NDUFS6: variants seen among roughly 807,000 people sequenced by gnomAD.
NDUFS6 encodes the protein NADH dehydrogenase [ubiquinone] iron-sulfur protein 6, mitochondrial.
In NDUFS6, 14 loss-of-function variants were observed where a neutral mutation model predicts 13.2. That is an observed-to-expected ratio of 1.06 (90% CI 0.70 to 1.66). NDUFS6 has a LOEUF of 1.66. NDUFS6 is among the 40% of genes most tolerant of loss of function. NDUFS6 has a pLI of 0.00. For missense variants in NDUFS6, 206 were observed against 170.8 expected, an observed-to-expected ratio of 1.21 and a Z score of -1.15; for synonymous variants, 95 against 72.3, an observed-to-expected ratio of 1.31 and a Z score of -1.60.
intron 2 of NDUFS6, among the ~76,000 whole-genome samples, chr5:1,811,951 A>T (rs949719837): frequency 6.6e-6 from 1 of 152,214 alleles, no homozygotes; most frequent in African/African-American, 2.4e-5. Flanking sequence ...CTTGGTGCTG[A>T]GGTAAAGTTT....
At chr5:1,813,424 C>T (rs1734250837) in intron 2 of NDUFS6, among the ~76,000 whole-genome samples, 6 of 152,194 alleles carry the variant, frequency 3.9e-5, no homozygotes, top group Admixed American at 3.9e-4. Context: ...TTCCTTTCCA[C>T]CTCACAGTAG....
At position 1,801,409 on chromosome 5, in the gene NDUFS6, C is replaced by A; in HGVS notation, c.-9C>A. On this transcript the variant is annotated 5_prime_UTR_variant, in exon 1 of 4. Transcript: ENST00000274137. Reference sequence around the variant, plus strand: ...GACGTTGCGCCGGGTCAAAGGCCAGCGGCGCAAAATGGCGGCGGCGATGAC... The same window carrying A: ...GACGTTGCGCCGGGTCAAAGGCCAGAGGCGCAAAATGGCGGCGGCGATGAC... 6.2e-7 allele frequency: 1 copy of A among 1,605,166 alleles called. No homozygotes were observed. The highest frequency in any genetic ancestry group is 1.7e-5 in the Admixed American group (1 of 59,868).
rs554252447 is a variant in NDUFS6, at chr5:1,807,793, C to T, written c.186+5419C>T. ...CCATGTTGGCTCTCGTGCGTGCACA[C>T]ACACACTGTTGGTCACAGGAGGGAT... On this transcript the variant is annotated intron_variant, in intron 2 of 3. Transcript: ENST00000274137. 8.9e-4 allele frequency among the ~76,000 whole-genome samples: 135 copies of T among 152,360 alleles called. 1 individual carries two copies. The highest frequency in any genetic ancestry group is 2.7e-3 in the African/African-American group (112 of 41,580).
intron 2 of NDUFS6, among the ~76,000 whole-genome samples, chr5:1,812,072 G>A (rs1464476317): frequency 6.6e-6 from 1 of 152,194 alleles, no homozygotes; most frequent in Non-Finnish European, 1.5e-5. Flanking sequence ...GAGTACCTGA[G>A]ACTGGATAAT....
chr5:1,807,110 A>ATGAGGTATTCAGAGGTACTGCG (rs1734136343), intron 2 of NDUFS6, among the ~76,000 whole-genome samples: 1 of 62,124 alleles, frequency 1.6e-5, no homozygotes, highest in Non-Finnish European at 3.9e-5. Flanking sequence ...GAAGTACTGT[A>ATGAGGTATTCAGAGGTACTGCG]TGAGGTACTC....
chr5:1,801,860 T>C (rs1734049753), intron 1 of NDUFS6, among the ~76,000 whole-genome samples: 1 of 152,258 alleles, frequency 6.6e-6, no homozygotes, highest in Non-Finnish European at 1.5e-5. Context: ...GTCAGAACGT[T>C]TAGAATTTGT....
intron 2 of NDUFS6, among the ~76,000 whole-genome samples, chr5:1,805,614 A>G (rs1479031731): frequency 1.3e-5 from 2 of 152,240 alleles, no homozygotes; most frequent in Non-Finnish European, 2.9e-5. Context: ...CTCTGGGGCC[A>G]CATAAGTCAG....
At position 1,815,773 on chromosome 5, in the gene NDUFS6, C is replaced by T. The variant is rs1410406613; in HGVS notation, c.310-78C>T. The stretch of plus-strand genomic sequence containing the variant: ...TGTTTCTGACAGTCTAAGTTTTATA[C>T]ATACATTTTCAATGCTTAATATCTA... On this transcript the variant is annotated intron_variant, in intron 3 of 3. Coordinates refer to ENST00000274137, the MANE Select transcript of NDUFS6 (RefSeq NM_004553.6). The T allele has an allele frequency of 2.1e-6, 3 of 1,403,896 alleles. No homozygotes were observed. The African/African-American group carries it at 4.3e-5, about 20-fold the overall frequency. The allele number at this position is 1,403,896 out of a possible 1,614,324, so 87.0% of individuals were successfully genotyped here. A position where few individuals can be genotyped will look rare whatever the true frequency, so the allele number is the denominator to read the frequency against.
chr5:1,802,296 A>G lies in NDUFS6; in HGVS notation c.133-25A>G, dbSNP rs553279833. ...TTCAGAATTAGGCCGTAAAAGTCAC[A>G]CATGGTCTTTTTGTTTTTTTCCAGG... is the stretch of plus-strand genomic sequence containing the variant. On this transcript the variant is annotated intron_variant, in intron 1 of 3. Transcript: ENST00000274137. The G allele has an allele frequency of 3.1e-6, 5 of 1,606,874 alleles. No individual in the cohort carries two copies. The East Asian group carries it at 8.9e-5, about 29-fold the overall frequency.
intron 2 of NDUFS6, among the ~76,000 whole-genome samples, chr5:1,808,297 G>A (rs1734159682): frequency 6.6e-6 from 1 of 152,174 alleles, no homozygotes; most frequent in Non-Finnish European, 1.5e-5. Flanking sequence ...GTGGCTTCCC[G>A]CTTCTGCATG....
rs1158272518 is a variant in NDUFS6 at position 1,814,667 on chromosome 5, T to C, written c.309+206T>C. ...GCCTGTCCGAAAACCCCCTTTCAACTGTGAAGTGGTGGGCGGCATGTTTCT... is the reference window on the plus strand; with the variant it reads ...GCCTGTCCGAAAACCCCCTTTCAACCGTGAAGTGGTGGGCGGCATGTTTCT... On this transcript the variant is annotated intron_variant, in intron 3 of 3. Coordinates refer to ENST00000274137, the MANE Select transcript of NDUFS6 (RefSeq NM_004553.6). This position sits in a 1 kb window ranked among gnomAD's most constrained non-coding sequence, Gnocchi z 4.9. 2 of 798,326 alleles carry C rather than the reference T, an allele frequency of 2.5e-6. No homozygotes were observed. The highest frequency in any genetic ancestry group is 4.2e-6 in the Non-Finnish European group (2 of 472,662). 49.5% of individuals were successfully genotyped at this position (798,326 alleles called of 1,614,324 possible). A position where few individuals can be genotyped will look rare whatever the true frequency, so the allele number is the denominator to read the frequency against.
Position 1,814,764 on chromosome 5 carries a change from C to T in NDUFS6, c.309+303C>T. The T allele has an allele frequency of 2.9e-6, 2 of 690,182 alleles. No homozygotes were observed. Among genetic ancestry groups the T allele is most frequent in the Non-Finnish European group, 5.3e-6 (2 of 379,106 alleles). 42.8% of individuals were successfully genotyped at this position (690,182 alleles called of 1,614,324 possible). A position where few individuals can be genotyped will look rare whatever the true frequency, so the allele number is the denominator to read the frequency against. Reference sequence around the variant, plus strand: ...TGGTCATCATCTCAGCTCAGGCTGCCACACACAGCACCGCAGGCTGGGGTC... The same window carrying T: ...TGGTCATCATCTCAGCTCAGGCTGCTACACACAGCACCGCAGGCTGGGGTC... On this transcript the variant is annotated intron_variant, in intron 3 of 3. Transcript: ENST00000274137. The surrounding 1 kb of genome is among the most constrained non-coding windows in gnomAD (Gnocchi z 4.9).
In NDUFS6 at chr5:1,810,631, A is replaced by C. The variant is rs1734203493; in HGVS notation, c.187-3708A>C. ...TTCTGTGAAACAGAGGGAATAGTCT[A>C]ATGATTCCCTTTTCCCATGTATCCA... On this transcript the variant is annotated intron_variant, in intron 2 of 3. Coordinates refer to ENST00000274137, the MANE Select transcript of NDUFS6 (RefSeq NM_004553.6). Among the ~76,000 whole-genome samples the C allele has an allele frequency of 3.3e-5, 5 of 152,240 alleles. No individual in the cohort carries two copies. The South Asian group carries it at 1.0e-3, about 31-fold the overall frequency.
Position 1,801,464 on chromosome 5 carries a change from A to G in NDUFS6, c.47A>G (p.Glu16Gly), listed in dbSNP as rs759094275. 1 of 1,604,168 alleles carries G rather than the reference A, an allele frequency of 6.2e-7. No individual in the cohort carries two copies. The highest frequency in any genetic ancestry group is 1.1e-5 in the South Asian group (1 of 90,850). Residue 16 changes from glutamate to glycine, a missense_variant, in exon 1 of 4, where the codon GAG (glutamate) becomes GGG (glycine). Glu to Gly is a moderately conservative substitution (Grantham distance 98). Coordinates refer to ENST00000274137, the MANE Select transcript of NDUFS6 (RefSeq NM_004553.6). ...TFCRLLNRCG[E>G]AARSLPLGAR... The stretch of plus-strand genomic sequence containing the variant: ...TGCCGGCTGCTGAACCGGTGTGGCG[A>G]GGCGGCGCGGAGCCTGCCCCTGGGC...
chr5:1,808,329 C>T (rs1233953948), intron 2 of NDUFS6, among the ~76,000 whole-genome samples: 1 of 152,176 alleles, frequency 6.6e-6, no homozygotes, highest in Non-Finnish European at 1.5e-5. Context: ...GAGCTTCCCT[C>T]CCAAATACGC....
chr5:1,814,578 T>TA lies in NDUFS6; in HGVS notation c.309+118dup, dbSNP rs1251529769. On this transcript the variant is annotated intron_variant, in intron 3 of 3. Coordinates refer to ENST00000274137, the MANE Select transcript of NDUFS6 (RefSeq NM_004553.6). This position sits in a 1 kb window ranked among gnomAD's most constrained non-coding sequence, Gnocchi z 4.9. ...CTCTACCTGCTCCCGAGGCGGCCCT[T>TA]ACGGGGTTCACACTGCTGGCACATT... is the stretch of plus-strand genomic sequence containing the variant. The TA allele has an allele frequency of 1.3e-6, 2 of 1,494,322 alleles. No homozygotes were observed. The highest frequency in any genetic ancestry group is 2.4e-5 in the South Asian group (2 of 84,988). 92.6% of individuals were successfully genotyped at this position (1,494,322 alleles called of 1,614,324 possible).
chr5:1,804,806 A>G lies in NDUFS6; in HGVS notation c.186+2432A>G, dbSNP rs547310639. 3.3e-5 allele frequency among the ~76,000 whole-genome samples: 5 copies of G among 152,282 alleles called. No homozygotes were observed. In the South Asian group the frequency reaches 1.0e-3, roughly 32 times the overall value. On this transcript the variant is annotated intron_variant, in intron 2 of 3. Transcript: ENST00000274137. ...TAGTGTGCTGCCTGTGTCACAGTTGATGAGCTGATACTCATACATTATTAC... is the reference window on the plus strand; with the variant it reads ...TAGTGTGCTGCCTGTGTCACAGTTGGTGAGCTGATACTCATACATTATTAC...
At chr5:1,809,410 C>G (rs891945581) in intron 2 of NDUFS6, among the ~76,000 whole-genome samples, 1 of 152,136 alleles carries the variant, frequency 6.6e-6, no homozygotes, top group Non-Finnish European at 1.5e-5. Flanking sequence ...TGGGTGTGTT[C>G]ACTGCCGGAG....
intron 3 of NDUFS6, among the ~76,000 whole-genome samples, chr5:1,815,027 GC>G (rs1222723742): frequency 6.6e-6 from 1 of 152,270 alleles, no homozygotes; most frequent in East Asian, 1.9e-4. Flanking sequence ...CTCTTTAAAG[GC>G]CCCATCTCCA....
Sources: allele counts gnomAD v4.1 joint callset (sites outside exome capture counted in the v4.1 genomes callset), GRCh38; gene constraint gnomAD v4.1.1; non-coding constraint Gnocchi (gnomAD v3.1); transcripts MANE v1.5; gene names NCBI Gene and HGNC (gene_info 2026-07-23, HGNC 2026-07-21).